SERHL2: variants seen among roughly 807,000 people sequenced by gnomAD.
SERHL2 encodes the protein serine hydrolase like 2, also known as serine hydrolase-like protein 2.
A neutral mutation model predicts 25.5 loss-of-function variants in SERHL2; 29 were observed. The ratio of observed to expected loss-of-function variants is 1.14; its 90% CI spans 0.85 to 1.55. The LOEUF (loss-of-function observed/expected upper bound fraction) is 1.55. Ranked by LOEUF, SERHL2 falls within the 40% of genes most tolerant of loss-of-function variation. SERHL2 has a pLI of 0.00. For synonymous variants in SERHL2, 95 were observed against 103.5 expected, an observed-to-expected ratio of 0.92 and a Z score of 0.50; for missense variants, 240 against 252.3, an observed-to-expected ratio of 0.95 and a Z score of 0.33.
chr22:42,554,355 T>G (rs5751306), intron 1 of SERHL2, among the ~76,000 whole-genome samples: 106,620 of 151,082 alleles, frequency 0.71, 37,518 homozygotes, highest in Non-Finnish European at 0.78. Context: ...GCGGTGGGGG[T>G]TCCTGGAGTC....
intron 7 of SERHL2, among the ~76,000 whole-genome samples, chr22:42,559,370 C>T (rs1922381329): frequency 6.6e-6 from 1 of 151,226 alleles, no homozygotes. Context: ...CATGCCACTG[C>T]ACTCCAGTCT....
chr22:42,573,543 AG>A (rs1924565499), intron 11 of SERHL2: 2 of 206,532 alleles, frequency 9.7e-6, no homozygotes, highest in Admixed American at 5.3e-5. Flanking sequence ...TACAGGCGTG[AG>A]CCACTGCGCC....
intron 7 of SERHL2, 34 bp from the exon 8 acceptor site, chr22:42,560,152 T>A (rs1403892901): frequency 1.9e-6 from 3 of 1,557,556 alleles, no homozygotes; most frequent in Non-Finnish European, 2.7e-6. Context: ...TTTATTGGCC[T>A]CCAGGCACCC....
intron 11 of SERHL2, chr22:42,572,875 G>A (rs1430648676): frequency 9.9e-6 from 3 of 301,930 alleles, no homozygotes; most frequent in African/African-American, 2.3e-5. Context: ...TCACCATGTT[G>A]GCCAGGCTGG....
intron 8 of SERHL2, among the ~76,000 whole-genome samples, chr22:42,563,883 G>A (rs1202321445): frequency 2.6e-5 from 4 of 151,872 alleles, no homozygotes; most frequent in Non-Finnish European, 5.9e-5. Flanking sequence ...AGACCACCCT[G>A]ACCAACATGG....
Position 42,572,466 on chromosome 22 carries a change from G to T in SERHL2, c.762G>T (p.Gln254His). Reference sequence around the variant, plus strand: ...TCCACGGATATTTTGATTCAAGACAGAATTACTCTGAGAAGGAGTCCCTGT... The same window carrying T: ...TCCACGGATATTTTGATTCAAGACATAATTACTCTGAGAAGGAGTCCCTGT... ...KAVHGYFDSR[Q>H]NYSEKESLSF... The change falls in exon 11 of 12, where the codon CAG becomes CAT. Residue 254 changes from glutamine to histidine, a missense_variant. This residue lies in a region of SERHL2 where 212 missense variants were observed against 168.9 expected (regional missense o/e 1.25). Coordinates refer to ENST00000327678, the MANE Select transcript of SERHL2 (RefSeq NM_014509.5). The T allele has an allele frequency of 6.2e-7, 1 of 1,611,816 alleles. No homozygotes were observed. Among genetic ancestry groups the T allele is most frequent in the Non-Finnish European group, 8.5e-7 (1 of 1,178,262 alleles).
At chr22:42,556,718 C>T (rs1268352308) in intron 6 of SERHL2, 130 bp downstream of exon 6, 8 of 1,038,412 alleles carry the variant, frequency 7.7e-6, no homozygotes, top group Non-Finnish European at 1.1e-5. Flanking sequence ...AAAGGGGAGT[C>T]AGGGACCCGC....
intron 1 of SERHL2, among the ~76,000 whole-genome samples, chr22:42,554,579 C>T (rs1456936295): frequency 2.0e-5 from 3 of 152,004 alleles, no homozygotes; most frequent in Non-Finnish European, 4.4e-5. Flanking sequence ...GGAAAGGAAA[C>T]AGGCTCAAGA....
At chr22:42,571,953 G>A (rs1924276110) in intron 10 of SERHL2, 1 of 146,366 alleles carries the variant, frequency 6.8e-6, no homozygotes, top group Non-Finnish European at 1.5e-5. Flanking sequence ...GCGGGGGGTG[G>A]GGTGGGGTGT....
intron 10 of SERHL2, 120 bp downstream of exon 10, chr22:42,571,323 C>T (rs1924155653): frequency 6.6e-7 from 1 of 1,523,620 alleles, no homozygotes; most frequent in African/African-American, 1.4e-5. Flanking sequence ...ATCGCTAAGG[C>T]TCAAGATCTT....
chr22:42,566,428 C>T lies in SERHL2; in HGVS notation c.648+90C>T, dbSNP rs150057212. On this transcript the variant is annotated intron_variant, in intron 9 of 11. Transcript: ENST00000327678. ...AAATTACAGGCCAGGCGTGGTGGCT[C>T]ACGCCTGTAATCCCAGCTACTCAGG... 2.2e-3 allele frequency: 2,944 copies of T among 1,311,062 alleles called. 52 individuals carry two copies. In the African/African-American group the frequency reaches 0.038, roughly 17 times the overall value. The allele number at this position is 1,311,062 out of a possible 1,614,324, so 81.2% of individuals were successfully genotyped here.
At position 42,571,234 on chromosome 22, in the gene SERHL2, C is replaced by A. The variant is rs11913884; in HGVS notation, c.731+31C>A. ...TCTGGACCCATCCCCTTCAGCCACC[C>A]GCCAAGGAGACATGGGCGCCAGGAA... On this transcript the variant is annotated intron_variant, in intron 10 of 11. Transcript: ENST00000327678. 118 of 1,606,378 alleles carry A rather than the reference C, an allele frequency of 7.3e-5. No homozygotes were observed. The East Asian group carries it at 2.6e-3, about 35-fold the overall frequency.
Position 42,571,198 on chromosome 22 carries a change from G to A in SERHL2, c.726G>A (p.Leu242=). ...SIRKLQAHVL[L]IKAVHGYFDS... Reference sequence around the variant, plus strand: ...GGAAGCTGCAGGCCCATGTCCTGTTGATCAAGTAAGTCTGGACCCATCCCC... The same window carrying A: ...GGAAGCTGCAGGCCCATGTCCTGTTAATCAAGTAAGTCTGGACCCATCCCC... Residue 242 remains leucine (L), a synonymous_variant, in exon 10 of 12, where the codon TTG becomes TTA. Coordinates refer to ENST00000327678, the MANE Select transcript of SERHL2 (RefSeq NM_014509.5). 6.2e-7 allele frequency: 1 copy of A among 1,613,266 alleles called. No homozygotes were observed. Among genetic ancestry groups the A allele is most frequent in the Non-Finnish European group, 8.5e-7 (1 of 1,179,554 alleles).
In SERHL2 at chr22:42,572,496, C is replaced by A; in HGVS notation, c.792C>A (p.Phe264Leu). The change falls in exon 11 of 12, where the codon TTC becomes TTA. Residue 264 changes from phenylalanine to leucine, a missense_variant. Around this residue, in one of 4 missense-constraint regions of SERHL2, gnomAD observed 212 missense variants for 168.9 expected, o/e 1.25. Transcript: ENST00000327678. Reference sequence around the variant, plus strand: ...ACTCTGAGAAGGAGTCCCTGTCGTTCATGATAGACACGATGAAATCCACCC... The same window carrying A: ...ACTCTGAGAAGGAGTCCCTGTCGTTAATGATAGACACGATGAAATCCACCC... ...QNYSEKESLS[F>L]MIDTMKSTLK... 3.1e-6 allele frequency: 5 copies of A among 1,611,926 alleles called. No individual in the cohort carries two copies. The South Asian group carries it at 5.5e-5, about 18-fold the overall frequency.
At chr22:42,560,999 C>T (rs907764761) in intron 8 of SERHL2, among the ~76,000 whole-genome samples, 1 of 151,934 alleles carries the variant, frequency 6.6e-6, no homozygotes, top group Non-Finnish European at 1.5e-5. Flanking sequence ...AGACCTCCCG[C>T]ACCACAACTC....
At position 42,565,518 on chromosome 22, in the gene SERHL2, G is replaced by A. The variant is rs371681122; in HGVS notation, c.614-786G>A. Among the ~76,000 whole-genome samples the A allele has an allele frequency of 1.1e-4, 17 of 151,972 alleles. No homozygotes were observed. The East Asian group carries it at 1.9e-3, about 17-fold the overall frequency. ...TTTTTGTATTTTTAGTAGAGACCAG[G>A]TTTAACCATATTGCCCAGGCTGGTC... On this transcript the variant is annotated intron_variant, in intron 8 of 11. Coordinates refer to ENST00000327678, the MANE Select transcript of SERHL2 (RefSeq NM_014509.5).
rs139740162 is a variant in SERHL2, at chr22:42,571,184, G to A, written c.712G>A (p.Ala238Thr). 9.3e-6 allele frequency: 15 copies of A among 1,613,334 alleles called. No homozygotes were observed. In the African/African-American group the frequency reaches 1.9e-4, roughly 20 times the overall value. Reference protein sequence around the residue: ...LCAHSIRKLQAHVLLIKAVHG... With the variant: ...LCAHSIRKLQTHVLLIKAVHG... ...TGCGCATTCCATCAGGAAGCTGCAG[G>A]CCCATGTCCTGTTGATCAAGTAAGT... Residue 238 changes from alanine to threonine, a missense_variant, in exon 10 of 12, where the codon GCC becomes ACC. Physicochemically the swap from Ala to Thr is moderately conservative, Grantham distance 58 (BLOSUM62 0). This residue lies in a region of SERHL2 where 212 missense variants were observed against 168.9 expected (regional missense o/e 1.25). Coordinates refer to ENST00000327678, the MANE Select transcript of SERHL2 (RefSeq NM_014509.5).
chr22:42,560,291 ATT>A, intron 8 of SERHL2, 26 bp downstream of exon 8: 1 of 1,528,088 alleles, frequency 6.5e-7, no homozygotes, highest in Non-Finnish European at 9.1e-7. Flanking sequence ...GTCCAAGGCC[ATT>A]TTATATTTGT....
intron 9 of SERHL2, among the ~76,000 whole-genome samples, chr22:42,567,788 T>C (rs1873558356): frequency 1.3e-5 from 2 of 151,698 alleles, no homozygotes; most frequent in African/African-American, 4.8e-5. Flanking sequence ...TGGAGTGCAA[T>C]GGCACTATCT....
Sources: gnomAD v4.1 joint callset for allele counts (sites outside exome capture counted in the v4.1 genomes callset) on GRCh38, gnomAD v4.1.1 for gene constraint, gnomAD v4.1.1 regional missense constraint, MANE v1.5 for transcripts, NCBI Gene and HGNC (gene_info 2026-07-23, HGNC 2026-07-21) for gene names.